The following KALRN variants were observed in gnomAD, a reference collection of about 807,000 sequenced individuals.
KALRN encodes kalirin RhoGEF kinase.
KALRN carries 70 observed loss-of-function variants against 353.7 expected under a neutral mutation model. The observed-to-expected ratio is 0.20, with a 90% CI of 0.16 to 0.24. KALRN has a LOEUF of 0.24. KALRN is among the 10% of genes least tolerant of loss of function. KALRN has a pLI of 1.00. For synonymous variants in KALRN, 1,391 were observed against 1,434.8 expected, an observed-to-expected ratio of 0.97 and a Z score of 0.69; for missense variants, 2,791 against 3,756.7, an observed-to-expected ratio of 0.74 and a Z score of 6.72.
chr3:124,533,218 A>G (rs1005456120), intron 33 of KALRN, among the ~76,000 whole-genome samples: 1 of 151,956 alleles, frequency 6.6e-6, no homozygotes, highest in Non-Finnish European at 1.5e-5. Flanking sequence ...GCAAGACCTC[A>G]TCTCTACTAA....
At chr3:124,489,646 A>G (rs944748838) in intron 29 of KALRN, among the ~76,000 whole-genome samples, 15 of 152,100 alleles carry the variant, frequency 9.9e-5, no homozygotes, top group Non-Finnish European at 2.2e-4. Flanking sequence ...CCCTGGAAGT[A>G]CCTGCAAGTA....
At chr3:124,634,492 G>C (rs994671022) in intron 36 of KALRN, among the ~76,000 whole-genome samples, 5 of 152,220 alleles carry the variant, frequency 3.3e-5, no homozygotes, top group Admixed American at 1.3e-4. Flanking sequence ...TGCTTTGCAA[G>C]ATTCCCCGGC....
chr3:124,662,228 T>G, intron 45 of KALRN, among the ~76,000 whole-genome samples: 1 of 132,846 alleles, frequency 7.5e-6, no homozygotes, highest in Non-Finnish European at 1.6e-5. Flanking sequence ...TTGAGACAGG[T>G]TCTTGCCCTG....
intron 33 of KALRN, among the ~76,000 whole-genome samples, chr3:124,545,695 T>C (rs555879606): frequency 6.6e-6 from 1 of 152,304 alleles, no homozygotes; most frequent in East Asian, 1.9e-4. Context: ...CCCACCTTAA[T>C]TGTGGATGTC....
intron 1 of KALRN, among the ~76,000 whole-genome samples, chr3:124,169,382 A>G (rs62265091): frequency 0.045 from 6,909 of 152,250 alleles, 208 homozygotes; most frequent in Middle Eastern, 0.071. Flanking sequence ...ATCTCCCTAC[A>G]GGGTAAGGGC....
intron 1 of KALRN, among the ~76,000 whole-genome samples, chr3:124,110,957 T>C (rs2062907425): frequency 6.6e-6 from 1 of 152,240 alleles, no homozygotes; most frequent in Non-Finnish European, 1.5e-5. Flanking sequence ...TACTATTGTT[T>C]CTTGCAGATT....
intron 56 of KALRN, among the ~76,000 whole-genome samples, chr3:124,700,355 C>T (rs1276716060): frequency 6.6e-6 from 1 of 152,064 alleles, no homozygotes; most frequent in Non-Finnish European, 1.5e-5. Flanking sequence ...CTCCTCCCAC[C>T]CGGGCACCCC....
At chr3:124,090,241 G>C (rs1383422238) in intron 1 of KALRN, among the ~76,000 whole-genome samples, 1 of 152,086 alleles carries the variant, frequency 6.6e-6, no homozygotes, top group Non-Finnish European at 1.5e-5. Context: ...TTAACAAGGT[G>C]GTTTAGAGCC....
chr3:124,597,051 A>AAAAAAC (rs1044259362), intron 34 of KALRN, among the ~76,000 whole-genome samples: 14 of 142,296 alleles, frequency 9.8e-5, no homozygotes, highest in Non-Finnish European at 1.5e-4. Context: ...CTGTCTTAAA[A>AAAAAAC]AAAAACAAAA....
rs116411388 is a variant in KALRN, at chr3:124,492,693, G to T, written c.4690-47G>T. ...GAGGGTTGAGAACTGTTTTTGGTAA[G>T]GTGATGGGAGTTGGGGTTCTCAGTC... On this transcript the variant is annotated intron_variant, in intron 31 of 59. Transcript: ENST00000682506. 454 of 1,598,694 alleles carry T rather than the reference G, an allele frequency of 2.8e-4. 1 individual carries two copies. In the African/African-American group the frequency reaches 5.5e-3, roughly 19 times the overall value.
intron 47 of KALRN, 138 bp from the exon 48 acceptor site, chr3:124,671,522 C>G: frequency 1.5e-6 from 1 of 657,586 alleles, no homozygotes; most frequent in Non-Finnish European, 2.8e-6. Context: ...TCTTAGTTCT[C>G]CCATTGCCTT....
At chr3:124,266,290 A>G (rs181554278) in intron 4 of KALRN, among the ~76,000 whole-genome samples, 142 of 152,338 alleles carry the variant, frequency 9.3e-4, no homozygotes, top group Admixed American at 2.0e-3. Flanking sequence ...AAGTGCATGT[A>G]TGGAGAAGAA....
At chr3:124,295,222 A>T (rs1334365173) in intron 5 of KALRN, among the ~76,000 whole-genome samples, 3 of 152,210 alleles carry the variant, frequency 2.0e-5, no homozygotes, top group Non-Finnish European at 2.9e-5. Context: ...ACATGAGACC[A>T]TCTAATCCCC....
At chr3:124,330,286 A>ACACACACC (rs1005282030) in intron 8 of KALRN, among the ~76,000 whole-genome samples, 26 of 132,504 alleles carry the variant, frequency 2.0e-4, no homozygotes, top group Non-Finnish European at 3.3e-4. Flanking sequence ...ACACACACAC[A>ACACACACC]CCCCATACAC....
chr3:124,540,788 A>T (rs1429560850), intron 33 of KALRN, among the ~76,000 whole-genome samples: 3 of 152,134 alleles, frequency 2.0e-5, no homozygotes, highest in African/African-American at 7.2e-5. Context: ...ACTTACCAAA[A>T]CTAAGCCTTA....
chr3:124,706,700 G>A (rs1214152518), intron 57 of KALRN, among the ~76,000 whole-genome samples: 1 of 151,882 alleles, frequency 6.6e-6, no homozygotes, highest in Non-Finnish European at 1.5e-5. Flanking sequence ...CTCCCGAGCA[G>A]CTGGAATTAC....
In KALRN at chr3:124,671,679, G is replaced by C; in HGVS notation, c.6723G>C (p.Glu2241Asp). The C allele has an allele frequency of 6.2e-7, 1 of 1,612,674 alleles. No homozygotes were observed. Among genetic ancestry groups the C allele is most frequent in the East Asian group, 2.2e-5 (1 of 44,868 alleles). The change falls in exon 48 of 60, where the codon GAG becomes GAC. Residue 2241 changes from glutamate (E) to aspartate (D), a missense_variant. Coordinates refer to ENST00000682506, the MANE Select transcript of KALRN (RefSeq NM_001388419.1). ...DFLNALQSPI[E>D]YQRKERSTAV... The stretch of plus-strand genomic sequence containing the variant: ...CCACAGCACTGCAATCGCCCATTGA[G>C]TATCAACGGAAAGAAAGGAGCACAG...
chr3:124,414,492 A>C (rs993299435), intron 14 of KALRN, among the ~76,000 whole-genome samples: 3 of 152,212 alleles, frequency 2.0e-5, no homozygotes, highest in Non-Finnish European at 4.4e-5. Context: ...TGACAAGATC[A>C]TATAATTTTA....
chr3:124,250,746 G>A (rs767140025), intron 3 of KALRN, among the ~76,000 whole-genome samples: 10 of 152,176 alleles, frequency 6.6e-5, no homozygotes, highest in Non-Finnish European at 1.3e-4. Context: ...GGAGGGCTGC[G>A]GAAAATGGGA....
Sources: gnomAD v4.1 joint callset for allele counts (sites outside exome capture counted in the v4.1 genomes callset) on GRCh38, gnomAD v4.1.1 for gene constraint, MANE v1.5 for transcripts, NCBI Gene and HGNC (gene_info 2026-07-23, HGNC 2026-07-21) for gene names.